The following LAMA5 variants were observed in gnomAD, a reference collection of about 807,000 sequenced individuals.
LAMA5 encodes laminin subunit alpha-5.
LAMA5 carries 260 observed loss-of-function variants against 433.4 expected under a neutral mutation model. The observed-to-expected ratio is 0.60, with a 90% CI of 0.54 to 0.66. The LOEUF is 0.66. LAMA5 is among the 30% of genes least tolerant of loss of function. The probability of loss-of-function intolerance (pLI) is 0.00; values close to 1 mark genes in which losing one functional copy is unlikely to be tolerated. For missense variants in LAMA5, 5,378 were observed against 5,258.5 expected (o/e 1.02, Z -0.70); for synonymous variants, 2,620 against 2,226.6 (o/e 1.18, Z -4.97).
At chr20:62,329,102 C>A in intron 33 of LAMA5, 36 bp downstream of exon 33, 2 of 1,612,076 alleles carry the variant, frequency 1.2e-6, no homozygotes, top group Non-Finnish European at 1.7e-6. Context: ...CCCAGACCCC[C>A]ACCCCGGACC....
chr20:62,343,706 G>C (rs1229801164), intron 11 of LAMA5, among the ~76,000 whole-genome samples: 1 of 137,816 alleles, frequency 7.3e-6, no homozygotes, highest in Non-Finnish European at 1.5e-5. Flanking sequence ...AACTCGGGGG[G>C]CAGAGGTTGC....
In LAMA5 at chr20:62,310,357, C is replaced by G. The variant is rs1026356130; in HGVS notation, c.10601-46G>C. 1.9e-6 allele frequency: 3 copies of G among 1,570,558 alleles called. No individual in the cohort carries two copies. In the African/African-American group the frequency reaches 4.1e-5, roughly 21 times the overall value. ...GGAGAAGAAAGGGGGGGCCCCTCCCCAGAACCTCCTGGAGCCCCCTGCCCT... is the reference window on the plus strand; with the variant it reads ...GGAGAAGAAAGGGGGGGCCCCTCCCGAGAACCTCCTGGAGCCCCCTGCCCT... On this transcript the variant is annotated intron_variant, in intron 76 of 79. Transcript: ENST00000252999.
At chr20:62,328,545 C>T (rs867645848) in intron 34 of LAMA5, 100 bp from the exon 35 acceptor site, 72 of 1,264,160 alleles carry the variant, frequency 5.7e-5, no homozygotes, top group Admixed American at 3.8e-4. Flanking sequence ...GTGACGGGGG[C>T]GGGGGAGACA....
chr20:62,325,213 G>T, intron 41 of LAMA5, 103 bp downstream of exon 41: 1 of 744,768 alleles, frequency 1.3e-6, no homozygotes. Flanking sequence ...TGAGTAGGGT[G>T]ACAGGAAGTG....
chr20:62,328,489 C>T (rs773947418), intron 34 of LAMA5, 44 bp from the exon 35 acceptor site: 174 of 1,447,422 alleles, frequency 1.2e-4, no homozygotes, highest in Non-Finnish European at 1.5e-4. Flanking sequence ...TTCCCAGTCC[C>T]GCCCCTCTCA....
chr20:62,343,774 C>CAAAAAAAAAAAAAAAAAAAAAAAAA (rs11474754), intron 11 of LAMA5, among the ~76,000 whole-genome samples: 1 of 61,368 alleles, frequency 1.6e-5, no homozygotes, highest in African/African-American at 5.0e-5. Flanking sequence ...GAAACTCCAT[C>CAAAAAAAAAAAAAAAAAAAAAAAAA]AAAAAAAAAA....
At position 62,310,587 on chromosome 20, in the gene LAMA5, C is replaced by T. The variant is rs1374073947; in HGVS notation, c.10447-15G>A. On this transcript the variant is annotated splice_polypyrimidine_tract_variant and intron_variant, in intron 75 of 79. Coordinates refer to ENST00000252999, the MANE Select transcript of LAMA5 (RefSeq NM_005560.6). Reference sequence around the variant, plus strand: ...CCGACGGTCACCTATAGGAGCAGACCGGGCAGGGATCAGGGCCCAGGGCAG... The same window carrying T: ...CCGACGGTCACCTATAGGAGCAGACTGGGCAGGGATCAGGGCCCAGGGCAG... 6.4e-7 allele frequency: 1 copy of T among 1,564,412 alleles called. No individual in the cohort carries two copies. The highest frequency in any genetic ancestry group is 8.6e-7 in the Non-Finnish European group (1 of 1,159,638).
chr20:62,333,581 C>T lies in LAMA5; in HGVS notation c.3004G>A (p.Ala1002Thr). The T allele has an allele frequency of 1.3e-6, 2 of 1,567,774 alleles. No homozygotes were observed. Among genetic ancestry groups the T allele is most frequent in the Non-Finnish European group, 8.6e-7 (1 of 1,156,740 alleles). The change falls in exon 24 of 80, where the codon GCC (alanine) becomes ACC (threonine). Residue 1002 changes from alanine to threonine, a missense_variant. Coordinates refer to ENST00000252999, the MANE Select transcript of LAMA5 (RefSeq NM_005560.6). ...NPGTWALRVE[A>T]EGVLLDYVVL... ...TGCCTCACCAGGAGCACCCCTTCGG[C>T]CTCCACACGCAGGGCCCAGGTGCCA...
chr20:62,359,971 C>T lies in LAMA5; in HGVS notation c.450+2429G>A, dbSNP rs962190364. Among the ~76,000 whole-genome samples, 3 of 150,800 alleles carry T rather than the reference C, an allele frequency of 2.0e-5. No individual in the cohort carries two copies. Among genetic ancestry groups the T allele is most frequent in the Non-Finnish European group, 3.0e-5 (2 of 67,538 alleles). On this transcript the variant is annotated intron_variant, in intron 2 of 79. Coordinates refer to ENST00000252999, the MANE Select transcript of LAMA5 (RefSeq NM_005560.6). The surrounding 1 kb of genome is among the most constrained non-coding windows in gnomAD (Gnocchi z 4.3). ...CCGTCCCAGGGCATCCGCTCCAGATCCCAGAACAAAGGCTGCTGGCAGCCC... is the reference window on the plus strand; with the variant it reads ...CCGTCCCAGGGCATCCGCTCCAGATTCCAGAACAAAGGCTGCTGGCAGCCC...
intron 11 of LAMA5, among the ~76,000 whole-genome samples, chr20:62,339,912 C>T (rs570949398): frequency 3.9e-5 from 6 of 152,258 alleles, no homozygotes; most frequent in African/African-American, 7.2e-5. Context: ...AAGACGTCAG[C>T]GTGACCAAGA....
intron 1 of LAMA5, 60 bp downstream of exon 1, chr20:62,366,889 G>A (rs1986791987): frequency 1.6e-6 from 2 of 1,231,516 alleles, no homozygotes; most frequent in African/African-American, 1.6e-5. Flanking sequence ...CTGGGGTCGG[G>A]CCGGTGTTCC....
Position 62,335,359 on chromosome 20 carries a change from C to T in LAMA5, c.2324-90G>A, listed in dbSNP as rs1208638213. On this transcript the variant is annotated intron_variant, in intron 18 of 79. Coordinates refer to ENST00000252999, the MANE Select transcript of LAMA5 (RefSeq NM_005560.6). ...AGGAACCCCCACACCCTAACACCCC[C>T]TCCAGGGCACACTCACAGGCTCCAG... The T allele has an allele frequency of 1.1e-4, 145 of 1,321,224 alleles. No homozygotes were observed. The Admixed American group carries it at 1.3e-3, about 12-fold the overall frequency. 81.8% of individuals were successfully genotyped at this position (1,321,224 alleles called of 1,614,324 possible).
chr20:62,333,358 G>A lies in LAMA5; in HGVS notation c.3128+17C>T, dbSNP rs374428165. 269 of 1,605,976 alleles carry A rather than the reference G, an allele frequency of 1.7e-4. No homozygotes were observed. Among genetic ancestry groups the A allele is most frequent in the Non-Finnish European group, 2.1e-4 (247 of 1,177,878 alleles). On this transcript the variant is annotated intron_variant, in intron 25 of 79. Coordinates refer to ENST00000252999, the MANE Select transcript of LAMA5 (RefSeq NM_005560.6). ...AGGAAGCCCCCACCCCGGTCCCACC[G>A]CACGCATGGCCCTCACTTGTCGCCA... is the stretch of plus-strand genomic sequence containing the variant.
intron 35 of LAMA5, 102 bp from the exon 36 acceptor site, chr20:62,328,112 G>T: frequency 6.5e-7 from 1 of 1,541,794 alleles, no homozygotes; most frequent in Non-Finnish European, 8.8e-7. Flanking sequence ...TCCCAGAAGT[G>T]GAGGAGAGGG....
Position 62,314,674 on chromosome 20 carries a change from G to A in LAMA5, c.8248C>T (p.Pro2750Ser), listed in dbSNP as rs767525401. Reference protein sequence around the residue: ...NGRSGVQLRTPRDLADLAAYT... With the variant: ...NGRSGVQLRTSRDLADLAAYT... Reference sequence around the variant, plus strand: ...GCAGCAAGGTCGGCAAGATCCCGTGGGGTGCGCAGCTGCACCCCTGAGCGC... The same window carrying A: ...GCAGCAAGGTCGGCAAGATCCCGTGAGGTGCGCAGCTGCACCCCTGAGCGC... The change falls in exon 61 of 80, where the codon CCA becomes TCA. Residue 2750 changes from proline (P) to serine (S), a missense_variant. Transcript: ENST00000252999. The A allele has an allele frequency of 1.6e-5, 26 of 1,612,660 alleles. No individual in the cohort carries two copies. Among genetic ancestry groups the A allele is most frequent in the Non-Finnish European group, 2.0e-5 (24 of 1,179,912 alleles).
Position 62,330,569 on chromosome 20 carries a change from C to T in LAMA5, c.3898G>A (p.Ala1300Thr), listed in dbSNP as rs1391834346. The T allele has an allele frequency of 6.3e-7, 1 of 1,592,698 alleles. No homozygotes were observed. Among genetic ancestry groups the T allele is most frequent in the Admixed American group, 1.8e-5 (1 of 55,972 alleles). The change falls in exon 31 of 80, where the codon GCC becomes ACC. Residue 1300 changes from alanine (A) to threonine (T), a missense_variant. Transcript: ENST00000252999. ...TTHVPTLGRY[A>T]FLLHGYQPAH... ...GGCTGGTAGCCGTGCAGCAGGAAGG[C>T]ATAGCGGCCCAGCGTGGGCACATGG...
In LAMA5 at chr20:62,352,005, G is replaced by C; in HGVS notation, c.762C>G (p.Thr254=). ...AGCGCAGGCGGACGTTGGTGGCCTT[G>C]GTGAACTCACGTAGCAGCGGCGAGT... ...FSYSPLLREF[T]KATNVRLRFL... Residue 254 remains threonine (T), a synonymous_variant, in exon 5 of 80, where the codon ACC becomes ACG. Coordinates refer to ENST00000252999, the MANE Select transcript of LAMA5 (RefSeq NM_005560.6). The C allele has an allele frequency of 4.3e-6, 7 of 1,612,680 alleles. No individual in the cohort carries two copies. The highest frequency in any genetic ancestry group is 5.9e-6 in the Non-Finnish European group (7 of 1,179,936).
intron 45 of LAMA5, among the ~76,000 whole-genome samples, chr20:62,323,245 G>A (rs1036795413): frequency 8.6e-6 from 1 of 116,018 alleles, no homozygotes; most frequent in East Asian, 2.4e-4. Context: ...GGGCCTGATC[G>A]CTGGGGCGGG....
In LAMA5 at chr20:62,347,021, A is replaced by G; in HGVS notation, c.964T>C (p.Cys322Arg). The G allele has an allele frequency of 6.2e-7, 1 of 1,610,662 alleles. No homozygotes were observed. The highest frequency in any genetic ancestry group is 8.5e-7 in the Non-Finnish European group (1 of 1,179,412). Residue 322 changes from cysteine to arginine, a missense_variant, in exon 7 of 80, where the codon TGC becomes CGC. Physicochemically the swap from Cys to Arg is radical, Grantham distance 180 (BLOSUM62 -3). Coordinates refer to ENST00000252999, the MANE Select transcript of LAMA5 (RefSeq NM_005560.6). ...KDPTDPFRLQ[C>R]TCQHNTCGGT... Reference sequence around the variant, plus strand: ...CCGCAGGTGTTGTGCTGGCAGGTGCACTGCAGCCTGTGGGGTACACAGGAG... The same window carrying G: ...CCGCAGGTGTTGTGCTGGCAGGTGCGCTGCAGCCTGTGGGGTACACAGGAG...
Sources: allele counts gnomAD v4.1 joint callset (sites outside exome capture counted in the v4.1 genomes callset), GRCh38; gene constraint gnomAD v4.1.1; non-coding constraint Gnocchi (gnomAD v3.1); transcripts MANE v1.5; gene names NCBI Gene and HGNC (gene_info 2026-07-23, HGNC 2026-07-21).